The following ANKRD29 variants were observed in gnomAD, a reference collection of about 807,000 sequenced individuals.
ANKRD29 encodes ankyrin repeat domain-containing protein 29.
Under a neutral mutation model 38.0 loss-of-function variants are expected in ANKRD29, and 32 were observed. The ratio of observed to expected loss-of-function variants is 0.84; its 90% CI spans 0.64 to 1.13. ANKRD29 has a LOEUF of 1.13. ANKRD29 is among the 50% of genes most tolerant of loss of function. The pLI is 0.00. For missense variants in ANKRD29, 357 were observed against 377.9 expected, an observed-to-expected ratio of 0.94 and a Z score of 0.46; for synonymous variants, 135 against 152.4, an observed-to-expected ratio of 0.89 and a Z score of 0.84.
chr18:23,601,422 CACT>C (rs1456314456), intron 9 of ANKRD29, 113 bp from the exon 10 acceptor site: 8 of 717,776 alleles, frequency 1.1e-5, no homozygotes, highest in Non-Finnish European at 1.9e-5. Context: ...AAAAAATCCA[CACT>C]GGACTCACTC....
chr18:23,605,646 C>A (rs1436002468), intron 9 of ANKRD29, among the ~76,000 whole-genome samples: 3 of 152,062 alleles, frequency 2.0e-5, no homozygotes, highest in Non-Finnish European at 2.9e-5. Flanking sequence ...CCTGCCTCAA[C>A]CCCCTGAGTA....
intron 1 of ANKRD29, among the ~76,000 whole-genome samples, chr18:23,658,857 C>G (rs1483289208): frequency 1.3e-5 from 2 of 152,210 alleles, no homozygotes; most frequent in African/African-American, 2.4e-5. Context: ...AGGTGGCCAT[C>G]TGTAAGTCAG....
At chr18:23,621,682 A>G (rs571213058) in intron 6 of ANKRD29, among the ~76,000 whole-genome samples, 65 of 152,122 alleles carry the variant, frequency 4.3e-4, no homozygotes, top group African/African-American at 1.4e-3. Flanking sequence ...GCAACCAATA[A>G]TGATAATTAT....
At chr18:23,661,712 G>GA (rs886957971) in intron 1 of ANKRD29, among the ~76,000 whole-genome samples, 27 of 151,810 alleles carry the variant, frequency 1.8e-4, no homozygotes, top group African/African-American at 2.7e-4. Flanking sequence ...TCCGTCTCAG[G>GA]AAAAAAAACT....
chr18:23,662,331 C>T (rs548805907), intron 1 of ANKRD29, among the ~76,000 whole-genome samples: 1 of 152,270 alleles, frequency 6.6e-6, no homozygotes, highest in Non-Finnish European at 1.5e-5. Flanking sequence ...GGTACTCCTG[C>T]ATGAGGACCC....
intron 9 of ANKRD29, among the ~76,000 whole-genome samples, chr18:23,606,344 T>G (rs1453852054): frequency 6.6e-6 from 1 of 152,204 alleles, no homozygotes; most frequent in Non-Finnish European, 1.5e-5. Context: ...GGTCTTGAAC[T>G]TTTGGCTTCA....
In ANKRD29 at chr18:23,614,567, C is replaced by T. The variant is rs147277940; in HGVS notation, c.724-2377G>A. ...GACACAGTGGCTCACACCTGTAATCCCAGCGCTTTAGGAGGCTGAGGCAGG... is the reference window on the plus strand; with the variant it reads ...GACACAGTGGCTCACACCTGTAATCTCAGCGCTTTAGGAGGCTGAGGCAGG... On this transcript the variant is annotated intron_variant, in intron 8 of 9. Transcript: ENST00000592179. Among the ~76,000 whole-genome samples, 252 of 151,774 alleles carry T rather than the reference C, an allele frequency of 1.7e-3. 1 individual carries two copies. Among genetic ancestry groups the T allele is most frequent in the South Asian group, 2.9e-3 (14 of 4,800 alleles).
At chr18:23,643,573 A>G (rs2060104243) in intron 3 of ANKRD29, among the ~76,000 whole-genome samples, 1 of 152,212 alleles carries the variant, frequency 6.6e-6, no homozygotes, top group African/African-American at 2.4e-5. Flanking sequence ...ACTACTATTA[A>G]TCATTCTGTA....
Position 23,662,737 on chromosome 18 carries a change from G to A in ANKRD29, c.-7C>T. 2 of 1,465,522 alleles carry A rather than the reference G, an allele frequency of 1.4e-6. No individual in the cohort carries two copies. The highest frequency in any genetic ancestry group is 3.0e-5 in the East Asian group (1 of 33,492). 90.8% of individuals were successfully genotyped at this position (1,465,522 alleles called of 1,614,324 possible). On this transcript the variant is annotated 5_prime_UTR_variant, in exon 1 of 10. Transcript: ENST00000592179. Reference sequence around the variant, plus strand: ...TGAAGGACATCCTGCACATGTCCGCGGCCGCCCGAGCGGGAGCCGGCGCGC... The same window carrying A: ...TGAAGGACATCCTGCACATGTCCGCAGCCGCCCGAGCGGGAGCCGGCGCGC...
chr18:23,649,062 G>T (rs1181048422), intron 2 of ANKRD29, 21 bp downstream of exon 2: 3 of 1,604,930 alleles, frequency 1.9e-6, no homozygotes, highest in Non-Finnish European at 2.6e-6. Flanking sequence ...TGCTGGGCAT[G>T]CATCTACCGA....
intron 8 of ANKRD29, among the ~76,000 whole-genome samples, chr18:23,616,768 CTAT>C (rs1221826750): frequency 1.4e-5 from 2 of 145,194 alleles, no homozygotes; most frequent in African/African-American, 5.0e-5. Flanking sequence ...GTAAGCATTA[CTAT>C]TAATATAATA....
chr18:23,654,197 C>A (rs1442329562), intron 1 of ANKRD29, among the ~76,000 whole-genome samples: 1 of 151,626 alleles, frequency 6.6e-6, no homozygotes, highest in Non-Finnish European at 1.5e-5. Flanking sequence ...ATCCGGGAGG[C>A]GGAGGTTGCA....
At chr18:23,625,166 G>A (rs1450610158) in intron 6 of ANKRD29, among the ~76,000 whole-genome samples, 1 of 152,182 alleles carries the variant, frequency 6.6e-6, no homozygotes, top group African/African-American at 2.4e-5. Flanking sequence ...TCAATATTGA[G>A]ATAATTTTCT....
At chr18:23,630,044 TCACAG>T (rs1217064712) in intron 5 of ANKRD29, 93 bp from the exon 6 acceptor site, 1 of 1,052,638 alleles carries the variant, frequency 9.5e-7, no homozygotes, top group Non-Finnish European at 1.4e-6. Context: ...ATGCCTGTAA[TCACAG>T]CACTTTGGGA....
intron 9 of ANKRD29, among the ~76,000 whole-genome samples, chr18:23,603,330 A>C (rs558893176): frequency 3.9e-5 from 6 of 152,318 alleles, no homozygotes; most frequent in African/African-American, 1.4e-4. Context: ...TTCATTGTGC[A>C]ATATCAAAAA....
At chr18:23,607,735 C>T (rs1335841158) in intron 9 of ANKRD29, among the ~76,000 whole-genome samples, 3 of 152,126 alleles carry the variant, frequency 2.0e-5, no homozygotes, top group Non-Finnish European at 4.4e-5. Context: ...GGCGAGTGCC[C>T]CAGGCTAGCC....
intron 8 of ANKRD29, among the ~76,000 whole-genome samples, chr18:23,615,321 T>G (rs1047193387): frequency 1.3e-5 from 2 of 152,186 alleles, no homozygotes; most frequent in Non-Finnish European, 2.9e-5. Flanking sequence ...TTTTACATTT[T>G]TAAATGATTT....
chr18:23,657,875 C>A lies in ANKRD29; in HGVS notation c.21+4835G>T, dbSNP rs567326012. On this transcript the variant is annotated intron_variant, in intron 1 of 9. Coordinates refer to ENST00000592179, the MANE Select transcript of ANKRD29 (RefSeq NM_173505.4). Reference sequence around the variant, plus strand: ...TGAAGCCCTAACCACCAATGTCTTGCGAGCCCAATCCCCTGCCCGAGTTGG... The same window carrying A: ...TGAAGCCCTAACCACCAATGTCTTGAGAGCCCAATCCCCTGCCCGAGTTGG... 1.3e-4 allele frequency among the ~76,000 whole-genome samples: 20 copies of A among 152,288 alleles called. No homozygotes were observed. The East Asian group carries it at 3.7e-3, about 28-fold the overall frequency.
At position 23,609,468 on chromosome 18, in the gene ANKRD29, G is replaced by A. The variant is rs1441740766; in HGVS notation, c.822+2624C>T. Among the ~76,000 whole-genome samples, 2 of 152,076 alleles carry A rather than the reference G, an allele frequency of 1.3e-5. 1 individual carries two copies. Among genetic ancestry groups the A allele is most frequent in the South Asian group, 4.1e-4 (2 of 4,824 alleles). On this transcript the variant is annotated intron_variant, in intron 9 of 9. Transcript: ENST00000592179. Reference sequence around the variant, plus strand: ...AGTAATAATAAAACTCCTATCTCCCGCACAGCTGGCTCTGCGTGAATTACT... The same window carrying A: ...AGTAATAATAAAACTCCTATCTCCCACACAGCTGGCTCTGCGTGAATTACT...
Sources: gnomAD v4.1 joint callset for allele counts (sites outside exome capture counted in the v4.1 genomes callset) on GRCh38, gnomAD v4.1.1 for gene constraint, MANE v1.5 for transcripts, NCBI Gene and HGNC (gene_info 2026-07-23, HGNC 2026-07-21) for gene names.